RPTOR: variants seen among roughly 807,000 people sequenced by gnomAD.
The protein encoded by RPTOR is regulatory associated protein of MTOR complex 1.
Under a neutral mutation model 169.9 loss-of-function variants are expected in RPTOR, and 21 were observed. The observed-to-expected ratio is 0.12, with a 90% CI of 0.09 to 0.18. The LOEUF is 0.18. RPTOR is among the 10% of genes least tolerant of loss of function. The pLI is 1.00. For synonymous variants in RPTOR, 732 were observed against 753.2 expected (o/e 0.97, Z 0.46); for missense variants, 1,133 against 1,855.9 (o/e 0.61, Z 7.16).
intron 3 of RPTOR, among the ~76,000 whole-genome samples, chr17:80,679,579 A>G (rs545760396): frequency 1.3e-5 from 2 of 151,996 alleles, no homozygotes; most frequent in Non-Finnish European, 2.9e-5. Context: ...CTCTTAGCTT[A>G]TTTTTTGAGC....
chr17:80,733,107 T>C (rs1290909639), intron 5 of RPTOR, among the ~76,000 whole-genome samples: 1 of 152,222 alleles, frequency 6.6e-6, no homozygotes, highest in Non-Finnish European at 1.5e-5. Context: ...AGTGGCACAG[T>C]GCTTGTCCTG....
At position 80,891,710 on chromosome 17, in the gene RPTOR, C is replaced by T; in HGVS notation, c.1984-10C>T. 1 of 1,588,004 alleles carries T rather than the reference C, an allele frequency of 6.3e-7. No individual in the cohort carries two copies. Among genetic ancestry groups the T allele is most frequent in the Non-Finnish European group, 8.6e-7 (1 of 1,157,610 alleles). Reference sequence around the variant, plus strand: ...CAGTGACTGTTATTGTCCCTTCTCCCTCTCGGCAGGAGCTGGTGGTGGCTC... The same window carrying T: ...CAGTGACTGTTATTGTCCCTTCTCCTTCTCGGCAGGAGCTGGTGGTGGCTC... On this transcript the variant is annotated splice_polypyrimidine_tract_variant and intron_variant, in intron 17 of 33. Coordinates refer to ENST00000306801, the MANE Select transcript of RPTOR (RefSeq NM_020761.3).
intron 20 of RPTOR, among the ~76,000 whole-genome samples, chr17:80,895,547 C>T (rs981108529): frequency 6.6e-6 from 1 of 152,256 alleles, no homozygotes; most frequent in Non-Finnish European, 1.5e-5. Flanking sequence ...GTGCCTGGTA[C>T]GCAGTAGGTG....
chr17:80,822,422 T>A, intron 8 of RPTOR, 121 bp downstream of exon 8: 1 of 966,652 alleles, frequency 1.0e-6, no homozygotes, highest in Non-Finnish European at 1.6e-6. Context: ...AGGAAGACAG[T>A]GGGAGGGGCT....
Position 80,578,257 on chromosome 17 carries a change from C to T in RPTOR, c.162+32466C>T, listed in dbSNP as rs115566256. On this transcript the variant is annotated intron_variant, in intron 1 of 33. Transcript: ENST00000306801. The stretch of plus-strand genomic sequence containing the variant: ...TCACTCCAGATGTCAACAGTCATTG[C>T]GATGTTGGCACTGCTTTGGTCCTGA... Among the ~76,000 whole-genome samples, 1,311 of 152,122 alleles carry T rather than the reference C, an allele frequency of 8.6e-3. 22 individuals are homozygous for T. The highest frequency in any genetic ancestry group is 0.029 in the African/African-American group (1,210 of 41,500).
At position 80,823,641 on chromosome 17, in the gene RPTOR, T is replaced by TCACACACA. The variant is rs3042670; in HGVS notation, c.1136+449_1136+456dup. On this transcript the variant is annotated intron_variant, in intron 9 of 33. Transcript: ENST00000306801. This position sits in a 1 kb window ranked among gnomAD's most constrained non-coding sequence, Gnocchi z 4.5. ...ATCAATTAGTTTTTATGCTTATTTC[T>TCACACACA]CACACACACACACACACACACACAC... 1,485 of 157,074 alleles carry TCACACACA rather than the reference T, an allele frequency of 9.5e-3. 28 individuals carry two copies. Among genetic ancestry groups the TCACACACA allele is most frequent in the African/African-American group, 0.034 (1,400 of 40,584 alleles). 9.7% of individuals were successfully genotyped at this position (157,074 alleles called of 1,614,324 possible).
intron 32 of RPTOR, 60 bp downstream of exon 32, chr17:80,962,637 C>T (rs1284707851): frequency 6.2e-6 from 9 of 1,452,802 alleles, no homozygotes; most frequent in South Asian, 3.5e-5. Flanking sequence ...TCTGTGCAAA[C>T]GGGAGGCTCT....
chr17:80,942,508 C>T (rs141180493), intron 25 of RPTOR, among the ~76,000 whole-genome samples: 1 of 152,134 alleles, frequency 6.6e-6, no homozygotes, highest in East Asian at 1.9e-4. Flanking sequence ...GGCCTCAAGA[C>T]ACAGGGGATG....
chr17:80,708,043 A>G lies in RPTOR; in HGVS notation c.507+44A>G, dbSNP rs759886714. On this transcript the variant is annotated intron_variant, in intron 4 of 33. Transcript: ENST00000306801. This position sits in a 1 kb window ranked among gnomAD's most constrained non-coding sequence, Gnocchi z 4.2. ...TTCCTTCCCGTTTCTGCCAAAAGCC[A>G]TGCCAATTGCGGTGGTCGGAGCAGG... The G allele has an allele frequency of 5.7e-6, 9 of 1,589,538 alleles. No individual in the cohort carries two copies. Among genetic ancestry groups the G allele is most frequent in the African/African-American group, 2.7e-5 (2 of 74,478 alleles).
In RPTOR at chr17:80,545,323, G is replaced by C. The variant is rs1302975793; in HGVS notation, c.-307G>C. On this transcript the variant is annotated 5_prime_UTR_variant, in exon 1 of 34. Coordinates refer to ENST00000306801, the MANE Select transcript of RPTOR (RefSeq NM_020761.3). ...TCTTACGCTTTTGGCAGCTCCCCTC[G>C]CAGCCCCTCTGGAAACGTACAGCCT... The C allele has an allele frequency of 3.6e-6, 1 of 278,098 alleles. No homozygotes were observed. The highest frequency in any genetic ancestry group is 6.8e-6 in the Non-Finnish European group (1 of 148,018). The allele number at this position is 278,098 out of a possible 1,614,324, so 17.2% of individuals were successfully genotyped here.
At chr17:80,908,512 G>A (rs2143932910) in intron 20 of RPTOR, among the ~76,000 whole-genome samples, 1 of 152,318 alleles carries the variant, frequency 6.6e-6, no homozygotes, top group South Asian at 2.1e-4. Context: ...CGGGAGTGTG[G>A]TCATGCCCTC....
chr17:80,700,778 A>ATGG (rs1567864794), intron 3 of RPTOR, among the ~76,000 whole-genome samples: 2 of 2,572 alleles, frequency 7.8e-4, no homozygotes, highest in Admixed American at 3.0e-3. Context: ...GATGGTAGAG[A>ATGG]TGATGATGGT....
intron 3 of RPTOR, among the ~76,000 whole-genome samples, chr17:80,683,647 T>C (rs1272682786): frequency 6.6e-6 from 1 of 152,170 alleles, no homozygotes; most frequent in African/African-American, 2.4e-5. Flanking sequence ...TTCATTCCTT[T>C]ATATCATTCT....
intron 12 of RPTOR, among the ~76,000 whole-genome samples, chr17:80,856,708 C>T (rs1335700760): frequency 3.3e-5 from 5 of 152,276 alleles, no homozygotes; most frequent in Admixed American, 6.5e-5. Flanking sequence ...GAAAGGCCTG[C>T]GTGGTATTGC....
At chr17:80,872,402 G>T (rs527427357) in intron 13 of RPTOR, among the ~76,000 whole-genome samples, 72 of 152,278 alleles carry the variant, frequency 4.7e-4, no homozygotes, top group South Asian at 3.3e-3. Flanking sequence ...GACCAGGAAG[G>T]CAGAGGCCCC....
At chr17:80,884,867 G>A in intron 16 of RPTOR, 141 bp from the exon 17 acceptor site, 5 of 1,155,222 alleles carry the variant, frequency 4.3e-6, no homozygotes, top group Non-Finnish European at 4.8e-6. Flanking sequence ...CTCTGATAGT[G>A]CGAGGAGAGC....
chr17:80,747,820 G>C (rs943913265), intron 5 of RPTOR, among the ~76,000 whole-genome samples: 1 of 152,230 alleles, frequency 6.6e-6, no homozygotes, highest in South Asian at 2.1e-4. Context: ...ACCACCCCAT[G>C]CCATCCTATG....
intron 1 of RPTOR, among the ~76,000 whole-genome samples, chr17:80,584,726 C>T (rs556416402): frequency 5.3e-5 from 8 of 152,318 alleles, no homozygotes; most frequent in East Asian, 1.9e-4. Context: ...GGAACGTGGA[C>T]GCCATCATGT....
intron 7 of RPTOR, among the ~76,000 whole-genome samples, chr17:80,809,416 C>T (rs539685886): frequency 2.0e-5 from 3 of 152,316 alleles, no homozygotes; most frequent in East Asian, 1.9e-4. Flanking sequence ...TGATCTCGAA[C>T]TCCTGACTTA....
Sources: gnomAD v4.1 joint callset for allele counts (sites outside exome capture counted in the v4.1 genomes callset) on GRCh38, gnomAD v4.1.1 for gene constraint, Gnocchi (gnomAD v3.1) non-coding constraint, MANE v1.5 for transcripts, NCBI Gene and HGNC (gene_info 2026-07-23, HGNC 2026-07-21) for gene names.